Variants in FNDC3A observed in about 807,000 individuals in gnomAD.
FNDC3A encodes fibronectin type III domain containing 3A.
In FNDC3A, 32 loss-of-function variants were observed where a neutral mutation model predicts 148.9. The observed-to-expected ratio is 0.21, with a 90% confidence interval of 0.16 to 0.29. The LOEUF is 0.29. Ranked by LOEUF, FNDC3A falls within the 10% of genes least tolerant of loss-of-function variation. The pLI is 1.00. For missense variants in FNDC3A, 1,191 were observed against 1,452.8 expected, an observed-to-expected ratio of 0.82 and a Z score of 2.93; for synonymous variants, 472 against 473.6, an observed-to-expected ratio of 1.00 and a Z score of 0.04.
intron 2 of FNDC3A, among the ~76,000 whole-genome samples, chr13:49,065,123 T>TTG (rs1877176465): frequency 6.6e-6 from 1 of 152,206 alleles, no homozygotes; most frequent in South Asian, 2.1e-4. Context: ...TGGGCAGTCT[T>TTG]TGCACTGGTC....
rs117961153 is a variant in FNDC3A at position 49,171,546 on chromosome 13, C to T, written c.1177-497C>T. On this transcript the variant is annotated intron_variant, in intron 10 of 25. Transcript: ENST00000492622. ...CATACTTTTACACCTAAAATAATAA[C>T]AGATTGCTGAGTCAGCAGTCTCAGG... Among the ~76,000 whole-genome samples, 120 of 152,218 alleles carry T rather than the reference C, an allele frequency of 7.9e-4. 2 individuals are homozygous for T. In the East Asian group the frequency reaches 0.018, roughly 23 times the overall value.
At chr13:49,085,008 T>C (rs558406484) in intron 3 of FNDC3A, among the ~76,000 whole-genome samples, 4 of 152,162 alleles carry the variant, frequency 2.6e-5, no homozygotes, top group African/African-American at 9.6e-5. Context: ...CTCACCTCAT[T>C]TCCTCAAGTA....
chr13:49,105,885 A>AT (rs542300452), intron 3 of FNDC3A, among the ~76,000 whole-genome samples: 2 of 152,262 alleles, frequency 1.3e-5, no homozygotes, highest in East Asian at 1.9e-4. Context: ...AGTCAGATGA[A>AT]TTTTTTTTAA....
chr13:49,056,992 A>G (rs766572732), intron 2 of FNDC3A, among the ~76,000 whole-genome samples: 9 of 152,104 alleles, frequency 5.9e-5, no homozygotes, highest in Non-Finnish European at 1.0e-4. Context: ...TTGTGTATTC[A>G]TTTCATGTGA....
intron 4 of FNDC3A, among the ~76,000 whole-genome samples, chr13:49,124,339 G>T (rs1443202629): frequency 6.6e-6 from 1 of 151,968 alleles, no homozygotes; most frequent in Non-Finnish European, 1.5e-5. Flanking sequence ...TGGGGCCTGT[G>T]AAGGGATGGG....
chr13:49,181,458 G>A (rs1016351546), intron 14 of FNDC3A, among the ~76,000 whole-genome samples: 2 of 152,134 alleles, frequency 1.3e-5, no homozygotes, highest in Non-Finnish European at 2.9e-5. Context: ...GTCTGTTGTG[G>A]TATACTTCTA....
At chr13:49,185,275 A>G (rs556700017) in intron 14 of FNDC3A, among the ~76,000 whole-genome samples, 2 of 152,326 alleles carry the variant, frequency 1.3e-5, no homozygotes, top group African/African-American at 4.8e-5. Flanking sequence ...GCTTGAAAAA[A>G]CAAACTTATA....
intron 25 of FNDC3A, among the ~76,000 whole-genome samples, chr13:49,204,574 A>C (rs975919474): frequency 2.6e-5 from 4 of 152,232 alleles, no homozygotes; most frequent in African/African-American, 9.6e-5. Context: ...TTTGAAATGT[A>C]ATTTACAGAT....
intron 2 of FNDC3A, among the ~76,000 whole-genome samples, chr13:49,019,311 G>A (rs1029771236): frequency 3.3e-5 from 5 of 152,358 alleles, no homozygotes; most frequent in African/African-American, 9.6e-5. Context: ...CTGGTGCGCC[G>A]TTTTTTAAGC....
At chr13:49,083,063 G>A (rs1878583428) in intron 3 of FNDC3A, among the ~76,000 whole-genome samples, 1 of 152,144 alleles carries the variant, frequency 6.6e-6, no homozygotes, top group Admixed American at 6.5e-5. Context: ...TCCACACAGA[G>A]GTGGTCTAAT....
chr13:49,110,002 T>G (rs1051586205), intron 3 of FNDC3A, among the ~76,000 whole-genome samples: 1 of 152,156 alleles, frequency 6.6e-6, no homozygotes, highest in Non-Finnish European at 1.5e-5. Context: ...AGTAAAAAAT[T>G]AGAAGATAGC....
chr13:49,183,876 C>G (rs1885430696), intron 14 of FNDC3A, among the ~76,000 whole-genome samples: 1 of 152,204 alleles, frequency 6.6e-6, no homozygotes, highest in Non-Finnish European at 1.5e-5. Flanking sequence ...TAGTCCCCAT[C>G]TATGAGTCAT....
In FNDC3A at chr13:49,042,697, A is replaced by G. The variant is rs117984300; in HGVS notation, c.100-32592A>G. Among the ~76,000 whole-genome samples the G allele has an allele frequency of 1.7e-3, 258 of 152,230 alleles. 2 individuals carry two copies. The East Asian group carries it at 0.044, about 26-fold the overall frequency. ...GTGGCTGAGGTGGGAGGATTGCTTGAGTCAGAGATGTTGAGACTGCAGTGA... is the reference window on the plus strand; with the variant it reads ...GTGGCTGAGGTGGGAGGATTGCTTGGGTCAGAGATGTTGAGACTGCAGTGA... On this transcript the variant is annotated intron_variant, in intron 2 of 25. Coordinates refer to ENST00000492622, the MANE Select transcript of FNDC3A (RefSeq NM_001079673.2).
intron 16 of FNDC3A, 63 bp from the exon 17 acceptor site, chr13:49,188,452 C>T: frequency 1.0e-6 from 1 of 963,774 alleles, no homozygotes; most frequent in Non-Finnish European, 1.7e-6. Flanking sequence ...CCTGATGTGT[C>T]CATGATACCA....
At chr13:49,077,430 C>T (rs1878189768) in intron 3 of FNDC3A, among the ~76,000 whole-genome samples, 2 of 152,234 alleles carry the variant, frequency 1.3e-5, no homozygotes, top group African/African-American at 4.8e-5. Context: ...TGTCTTCCCC[C>T]ATTTTACCTA....
chr13:48,979,822 T>C (rs1273978934), intron 1 of FNDC3A, among the ~76,000 whole-genome samples: 1 of 152,158 alleles, frequency 6.6e-6, no homozygotes, highest in African/African-American at 2.4e-5. Flanking sequence ...TTCTTGTTTG[T>C]TTGTTAGTTT....
chr13:49,057,299 C>T (rs565574464), intron 2 of FNDC3A, among the ~76,000 whole-genome samples: 7 of 152,112 alleles, frequency 4.6e-5, no homozygotes, highest in Middle Eastern at 3.2e-3. Flanking sequence ...TTACTAAATG[C>T]GTAGTCTTTA....
At chr13:49,150,476 T>G (rs981582791) in intron 8 of FNDC3A, among the ~76,000 whole-genome samples, 1 of 152,194 alleles carries the variant, frequency 6.6e-6, no homozygotes, top group Admixed American at 6.5e-5. Flanking sequence ...CATTTTAATT[T>G]GTTCCAAGAA....
intron 3 of FNDC3A, 104 bp from the exon 4 acceptor site, chr13:49,114,551 G>A: frequency 2.7e-6 from 2 of 737,028 alleles, no homozygotes; most frequent in Middle Eastern, 2.4e-4. Flanking sequence ...GTTACTGTTG[G>A]CTTGAGTGTT....
Sources: allele counts gnomAD v4.1 joint callset (sites outside exome capture counted in the v4.1 genomes callset), GRCh38; gene constraint gnomAD v4.1.1; transcripts MANE v1.5; gene names NCBI Gene and HGNC (gene_info 2026-07-23, HGNC 2026-07-21).